Variants in PIK3C3 observed in about 807,000 individuals in gnomAD.
PIK3C3 encodes phosphatidylinositol 3-kinase catalytic subunit type 3.
A neutral mutation model predicts 126.1 loss-of-function variants in PIK3C3; 95 were observed. That is an observed-to-expected ratio of 0.75 (90% CI 0.64 to 0.89). The LOEUF (loss-of-function observed/expected upper bound fraction) is 0.89. PIK3C3 is among the 40% of genes least tolerant of loss of function. The pLI, the probability that PIK3C3 is intolerant of heterozygous loss-of-function variation, is 0.00. For missense variants in PIK3C3, 829 were observed against 1,063.2 expected, an observed-to-expected ratio of 0.78 and a Z score of 3.06; for synonymous variants, 374 against 360.0, an observed-to-expected ratio of 1.04 and a Z score of -0.44.
intron 12 of PIK3C3, among the ~76,000 whole-genome samples, chr18:42,018,318 C>G (rs1983169169): frequency 6.6e-6 from 1 of 151,862 alleles, no homozygotes; most frequent in Non-Finnish European, 1.5e-5. Context: ...TTCAACTTTT[C>G]TTTATGTTCT....
intron 22 of PIK3C3, among the ~76,000 whole-genome samples, chr18:42,060,352 T>C (rs559837658): frequency 2.0e-5 from 3 of 152,366 alleles, no homozygotes; most frequent in African/African-American, 7.2e-5. Flanking sequence ...TCATCTCTTA[T>C]TAATCAGTAC....
chr18:41,969,572 T>C (rs1980548567), intron 3 of PIK3C3, among the ~76,000 whole-genome samples: 1 of 152,220 alleles, frequency 6.6e-6, no homozygotes, highest in African/African-American at 2.4e-5. Context: ...AAATTTCTGA[T>C]TTATAGACAT....
chr18:42,058,010 G>A lies in PIK3C3; in HGVS notation c.2391G>A (p.Glu797=), dbSNP rs761910592. 8 of 1,612,266 alleles carry A rather than the reference G, an allele frequency of 5.0e-6. No individual in the cohort carries two copies. The highest frequency in any genetic ancestry group is 6.8e-6 in the Non-Finnish European group (8 of 1,179,334). ...MGGTQSEQYQ[E]FRKQCYTAFL... is the part of the protein sequence containing the mutation. ...GCACACAGAGTGAGCAGTACCAAGA[G>A]TTCCGTAAACAGTGTTACACGGCTT... Residue 797 remains glutamate (E), a synonymous_variant, in exon 22 of 25, where the codon GAG becomes GAA. Transcript: ENST00000262039.
rs544843839 is a variant in PIK3C3 at position 42,034,414 on chromosome 18, AT to A, written c.1839+464del. Among the ~76,000 whole-genome samples, 293 of 152,200 alleles carry A rather than the reference AT, an allele frequency of 1.9e-3. 1 individual carries two copies. The highest frequency in any genetic ancestry group is 6.5e-3 in the African/African-American group (269 of 41,534). On this transcript the variant is annotated intron_variant, in intron 16 of 24. Coordinates refer to ENST00000262039, the MANE Select transcript of PIK3C3 (RefSeq NM_002647.4). ...GCTGTAACTATTTTTCTTTATGTAA[AT>A]TTTTTTAGAGGGCAGATTGCAAACG...
At chr18:41,974,669 G>A (rs1006813680) in intron 4 of PIK3C3, among the ~76,000 whole-genome samples, 3 of 151,080 alleles carry the variant, frequency 2.0e-5, no homozygotes, top group Admixed American at 1.3e-4. Flanking sequence ...CAGACTTCTA[G>A]AGCATTTATT....
chr18:42,066,787 CTA>C (rs1356741832), intron 23 of PIK3C3, among the ~76,000 whole-genome samples: 1 of 151,864 alleles, frequency 6.6e-6, no homozygotes, highest in Non-Finnish European at 1.5e-5. Flanking sequence ...TTAAATAAGA[CTA>C]AAAAAATTAT....
chr18:42,024,422 A>G (rs1225817598), intron 13 of PIK3C3, among the ~76,000 whole-genome samples: 1 of 151,462 alleles, frequency 6.6e-6, no homozygotes, highest in Non-Finnish European at 1.5e-5. Flanking sequence ...GTTTGAATAG[A>G]TGTTTGGCTT....
chr18:42,029,422 G>A lies in PIK3C3; in HGVS notation c.1688G>A (p.Ser563Asn). 1 of 1,604,960 alleles carries A rather than the reference G, an allele frequency of 6.2e-7. No homozygotes were observed. The highest frequency in any genetic ancestry group is 8.5e-7 in the Non-Finnish European group (1 of 1,172,758). The change falls in exon 15 of 25, where the codon AGT becomes AAT. Residue 563 changes from serine (S) to asparagine (N), a missense_variant. Around this residue, in one of 4 missense-constraint regions of PIK3C3, gnomAD observed 256 missense variants for 291.0 expected, o/e 0.88. Transcript: ENST00000262039. ...VHLMKAVQRE[S>N]GNRKKKNERL... ...CTAATGAAGGCAGTACAACGCGAAA[G>A]TGGAAATCGTAAGAAAAAGGTAAGC...
chr18:41,983,715 C>T (rs1376884972), intron 4 of PIK3C3, among the ~76,000 whole-genome samples: 2 of 152,124 alleles, frequency 1.3e-5, no homozygotes, highest in African/African-American at 4.8e-5. Context: ...TTACACAGTG[C>T]AGCAAGTTGG....
chr18:41,995,158 C>G (rs867900988), intron 7 of PIK3C3, among the ~76,000 whole-genome samples: 1 of 152,036 alleles, frequency 6.6e-6, no homozygotes, highest in Non-Finnish European at 1.5e-5. Context: ...TTAAAAATTA[C>G]ATGGCTGAAG....
chr18:42,060,521 A>G (rs28541909), intron 22 of PIK3C3, among the ~76,000 whole-genome samples: 25,937 of 152,134 alleles, frequency 0.17, 2,463 homozygotes, highest in East Asian at 0.29. Context: ...CTGTAATCCA[A>G]GCACTCTGGG....
At chr18:42,042,196 C>T (rs1027523429) in intron 19 of PIK3C3, among the ~76,000 whole-genome samples, 5 of 152,166 alleles carry the variant, frequency 3.3e-5, no homozygotes, top group African/African-American at 4.8e-5. Flanking sequence ...AATGGGCTTT[C>T]CTTGTCAGAA....
At chr18:41,966,217 C>T (rs190108886) in intron 3 of PIK3C3, among the ~76,000 whole-genome samples, 10 of 125,094 alleles carry the variant, frequency 8.0e-5, no homozygotes, top group East Asian at 7.0e-4. Context: ...GATTCTCTGT[C>T]GCCCTGCTGT....
At chr18:41,964,350 G>A (rs181032818) in intron 3 of PIK3C3, among the ~76,000 whole-genome samples, 117 of 152,216 alleles carry the variant, frequency 7.7e-4, no homozygotes, top group Admixed American at 3.9e-3. Context: ...AGATTATCTG[G>A]CTTCAAATCT....
chr18:41,983,383 CT>C (rs760811248), intron 4 of PIK3C3, among the ~76,000 whole-genome samples: 1 of 151,550 alleles, frequency 6.6e-6, no homozygotes, highest in South Asian at 2.1e-4. Context: ...CTCCAGCTTC[CT>C]TTTTAGTGTC....
intron 12 of PIK3C3, among the ~76,000 whole-genome samples, chr18:42,020,002 C>A (rs1437625771): frequency 1.3e-5 from 2 of 152,004 alleles, no homozygotes; most frequent in Admixed American, 1.3e-4. Flanking sequence ...TCTCCACTCT[C>A]ATTATTTACT....
intron 7 of PIK3C3, among the ~76,000 whole-genome samples, chr18:41,995,294 T>A (rs1207853171): frequency 6.6e-6 from 1 of 152,026 alleles, no homozygotes; most frequent in Non-Finnish European, 1.5e-5. Flanking sequence ...CATAAAGCCA[T>A]TAAAAAAATT....
chr18:42,018,452 A>G (rs543563904), intron 12 of PIK3C3, among the ~76,000 whole-genome samples: 2 of 152,128 alleles, frequency 1.3e-5, no homozygotes, highest in Non-Finnish European at 2.9e-5. Context: ...CTTTAGGCCT[A>G]TATTCTGCCT....
chr18:42,040,616 C>T (rs1308962758), intron 18 of PIK3C3, 61 bp from the exon 19 acceptor site: 1 of 1,133,800 alleles, frequency 8.8e-7, no homozygotes, highest in East Asian at 2.4e-5. Context: ...CTTAGCAGAA[C>T]CTTTATTTTT....
Sources: allele counts gnomAD v4.1 joint callset (sites outside exome capture counted in the v4.1 genomes callset), GRCh38; gene constraint gnomAD v4.1.1; regional missense constraint gnomAD v4.1.1; transcripts MANE v1.5; gene names NCBI Gene and HGNC (gene_info 2026-07-23, HGNC 2026-07-21).